EIF4G2: variants seen among roughly 807,000 people sequenced by gnomAD.
EIF4G2 encodes the protein eukaryotic translation initiation factor 4 gamma 2.
In EIF4G2, 8 loss-of-function variants were observed where a neutral mutation model predicts 117.7. The observed-to-expected ratio is 0.07, with a 90% CI of 0.04 to 0.12. The LOEUF is 0.12. EIF4G2 is among the 10% of genes least tolerant of loss of function. The pLI is 1.00. For missense variants in EIF4G2, 812 were observed against 1,086.2 expected, an observed-to-expected ratio of 0.75 and a Z score of 3.55; for synonymous variants, 413 against 367.8, an observed-to-expected ratio of 1.12 and a Z score of -1.41.
rs750064746 is a variant in EIF4G2, at chr11:10,803,995, A to C, written c.606T>G (p.Ile202Met). The C allele has an allele frequency of 6.2e-7, 1 of 1,614,172 alleles. No homozygotes were observed. Among genetic ancestry groups the C allele is most frequent in the South Asian group, 1.1e-5 (1 of 91,088 alleles). ...TGTTTCCCAACATCTTGATCTTAGC[A>C]ATGGCTCTCTGTTCCTCCTCCTCGG... Residue 202 changes from isoleucine to methionine, a missense_variant, in exon 8 of 22, where the codon ATT becomes ATG. Ile to Met is a conservative substitution (Grantham distance 10). This residue lies in a region of EIF4G2 where 154 missense variants were observed against 322.1 expected (regional missense o/e 0.48). Transcript: ENST00000339995. This position sits in a 1 kb window ranked among gnomAD's most constrained non-coding sequence, Gnocchi z 4.0.
intron 13 of EIF4G2, 103 bp downstream of exon 13, chr11:10,801,946 G>T: frequency 2.1e-6 from 1 of 481,666 alleles, no homozygotes; most frequent in Non-Finnish European, 2.5e-6. Context: ...ATAAAGTGAT[G>T]TGATTTTACT....
chr11:10,808,428 T>TCCGCCACGGCCTCGTC (rs1847659065), intron 1 of EIF4G2: 1 of 1,260,514 alleles, frequency 7.9e-7, no homozygotes, highest in Non-Finnish European at 1.0e-6. Context: ...CGTGCCTCGG[T>TCCGCCACGGCCTCGTC]CCGCCACGGC....
chr11:10,807,630 T>TGA, intron 1 of EIF4G2: 1 of 1,090,412 alleles, frequency 9.2e-7, no homozygotes, highest in African/African-American at 1.6e-5. Context: ...ACGAATCTTT[T>TGA]GAAAAAGCCA....
intron 1 of EIF4G2, chr11:10,808,482 G>T (rs1847661548): frequency 7.2e-6 from 9 of 1,251,058 alleles, no homozygotes; most frequent in Non-Finnish European, 9.2e-6. Flanking sequence ...ACCGCACGGC[G>T]GCCTGGCCAA....
chr11:10,802,884 A>C (rs1366029668), intron 11 of EIF4G2, 146 bp downstream of exon 11: 2 of 681,092 alleles, frequency 2.9e-6, no homozygotes, highest in Non-Finnish European at 4.7e-6. Flanking sequence ...AAAAAAATAA[A>C]AGTGGAAGAC....
rs529482611 is a variant in EIF4G2, at chr11:10,799,581, A to G, written c.2295T>C (p.Asp765=). 3.3e-5 allele frequency: 54 copies of G among 1,613,976 alleles called. No individual in the cohort carries two copies. The highest frequency in any genetic ancestry group is 4.4e-5 in the Non-Finnish European group (52 of 1,179,984). ...TCATTAAGATGTTCACAAATCCTTT[A>G]TCTACATGAAGTTTGGGAGAGATGT... is the stretch of plus-strand genomic sequence containing the variant. The change falls in exon 19 of 22, where the codon GAT becomes GAC. Residue 765 remains aspartate (D), a synonymous_variant. Transcript: ENST00000339995.
chr11:10,797,836 A>ATTC lies in EIF4G2; in HGVS notation c.2701_2703dup (p.Glu901dup), dbSNP rs781424757. The ATTC allele has an allele frequency of 6.2e-7, 1 of 1,613,982 alleles. No homozygotes were observed. The highest frequency in any genetic ancestry group is 8.5e-7 in the Non-Finnish European group (1 of 1,179,972). On this transcript the variant is annotated inframe_insertion, in exon 22 of 22. Coordinates refer to ENST00000339995, the MANE Select transcript of EIF4G2 (RefSeq NM_001418.4). This position sits in a 1 kb window ranked among gnomAD's most constrained non-coding sequence, Gnocchi z 4.5. ...GTTCTTTAGTCAGCTTCTTCCTCTG[A>ATTC]TTCTTCTTCTTCAGCAGTTTCTAAC... is the stretch of plus-strand genomic sequence containing the variant.
At position 10,802,096 on chromosome 11, in the gene EIF4G2, T is replaced by C; in HGVS notation, c.1252A>G (p.Thr418Ala). Residue 418 changes from threonine to alanine, a missense_variant, in exon 13 of 22, where the codon ACA becomes GCA. Coordinates refer to ENST00000339995, the MANE Select transcript of EIF4G2 (RefSeq NM_001418.4). ...CCCATCTCTCCAAACTGCGATTGTG[T>C]GGGAGGCATGATGTGTCCCCCATGG... is the stretch of plus-strand genomic sequence containing the variant. 6.2e-7 allele frequency: 1 copy of C among 1,614,302 alleles called. No homozygotes were observed. Among genetic ancestry groups the C allele is most frequent in the Non-Finnish European group, 8.5e-7 (1 of 1,180,054 alleles).
Position 10,807,741 on chromosome 11 carries a change from C to T in EIF4G2, c.-86-360G>A, listed in dbSNP as rs1847625687. On this transcript the variant is annotated intron_variant, in intron 1 of 21. Transcript: ENST00000339995. ...AAAATGTCTGCCCTAGGAATTTTTA[C>T]TGCCTTGACGAGGCCAGCGACTAGA... 5 of 992,670 alleles carry T rather than the reference C, an allele frequency of 5.0e-6. No individual in the cohort carries two copies. The Admixed American group carries it at 1.8e-4, about 36-fold the overall frequency. 61.5% of individuals were successfully genotyped at this position (992,670 alleles called of 1,614,324 possible). A position where few individuals can be genotyped will look rare whatever the true frequency, so the allele number is the denominator to read the frequency against.
In EIF4G2 at chr11:10,801,099, A is replaced by C; in HGVS notation, c.1414-12T>G. 1 of 1,613,754 alleles carries C rather than the reference A, an allele frequency of 6.2e-7. No individual in the cohort carries two copies. The highest frequency in any genetic ancestry group is 8.5e-7 in the Non-Finnish European group (1 of 1,179,872). ...GGCCTCAGGCTAATCTGGAATTGAA[A>C]ACAAAATATATCTAAATTAACAACA... On this transcript the variant is annotated splice_polypyrimidine_tract_variant and intron_variant, in intron 14 of 21. Transcript: ENST00000339995.
Position 10,804,664 on chromosome 11 carries a change from G to T in EIF4G2, c.352-246C>A, listed in dbSNP as rs566450641. On this transcript the variant is annotated intron_variant, in intron 5 of 21. Transcript: ENST00000339995. The stretch of plus-strand genomic sequence containing the variant: ...CCTAAATACGGTGTTTTCCACAAAA[G>T]AAAAAGAACAGCTTGCTAAGCACTC... The T allele has an allele frequency of 5.0e-6, 3 of 602,026 alleles. No homozygotes were observed. In the South Asian group the frequency reaches 7.7e-5, roughly 15 times the overall value. 37.3% of individuals were successfully genotyped at this position (602,026 alleles called of 1,614,324 possible).
intron 13 of EIF4G2, 34 bp downstream of exon 13, chr11:10,802,015 G>T (rs1463535333): frequency 1.1e-4 from 3 of 27,478 alleles, no homozygotes; most frequent in Non-Finnish European, 1.9e-4. Context: ...TGCAGATAAG[G>T]TTTAGAAAAC....
rs1043466720 is a variant in EIF4G2, at chr11:10,804,180, G to C, written c.507C>G (p.Ser169=). Residue 169 remains serine, a synonymous_variant, in exon 7 of 22, where the codon TCC becomes TCG. Transcript: ENST00000339995. ...GGTTTTCAAATTCATCTTGTAATTT[G>C]GAAATTAGGAGGCGTCTGAATGTCT... 1.9e-6 allele frequency: 3 copies of C among 1,614,158 alleles called. No homozygotes were observed. In the African/African-American group the frequency reaches 4.0e-5, roughly 22 times the overall value.
chr11:10,801,272 T>G (rs1564981949), intron 14 of EIF4G2, 185 bp from the exon 15 acceptor site: 25 of 690,250 alleles, frequency 3.6e-5, no homozygotes, highest in Non-Finnish European at 4.8e-6. Flanking sequence ...ATCTGATGCA[T>G]ACAGTAGTAA....
chr11:10,805,374 G>A (rs148251565), intron 4 of EIF4G2, among the ~76,000 whole-genome samples: 22 of 152,246 alleles, frequency 1.4e-4, no homozygotes, highest in Non-Finnish European at 2.6e-4. Context: ...ATGCTAGCAT[G>A]ACAGGATTAT....
chr11:10,804,121 C>T lies in EIF4G2; in HGVS notation c.550+16G>A, dbSNP rs1259841626. On this transcript the variant is annotated intron_variant, in intron 7 of 21. Coordinates refer to ENST00000339995, the MANE Select transcript of EIF4G2 (RefSeq NM_001418.4). ...GAAAATATACAGTAGTACTTATTATCAGCTATAAGTCTTACCATCAACATT... is the reference window on the plus strand; with the variant it reads ...GAAAATATACAGTAGTACTTATTATTAGCTATAAGTCTTACCATCAACATT... 1 of 1,613,668 alleles carries T rather than the reference C, an allele frequency of 6.2e-7. No individual in the cohort carries two copies. Among genetic ancestry groups the T allele is most frequent in the African/African-American group, 1.3e-5 (1 of 74,898 alleles).
At chr11:10,800,935 A>C (rs147380027) in intron 15 of EIF4G2, 27 bp downstream of exon 15, 1 of 1,612,968 alleles carries the variant, frequency 6.2e-7, no homozygotes, top group Non-Finnish European at 8.5e-7. Flanking sequence ...ATATCTTTAG[A>C]AAATGCTGTC....
intron 3 of EIF4G2, chr11:10,806,322 G>T: frequency 2.1e-6 from 1 of 471,246 alleles, no homozygotes; most frequent in Non-Finnish European, 3.8e-6. Context: ...CAGTATCAAC[G>T]CTGTGGAACC....
At chr11:10,808,425 C>T (rs1847658745) in intron 1 of EIF4G2, 1 of 1,261,708 alleles carries the variant, frequency 7.9e-7, no homozygotes, top group Non-Finnish European at 1.0e-6. Context: ...AGCCGTGCCT[C>T]GGTCCGCCAC....
Sources: allele counts gnomAD v4.1 joint callset (sites outside exome capture counted in the v4.1 genomes callset), GRCh38; gene constraint gnomAD v4.1.1; regional missense constraint gnomAD v4.1.1; non-coding constraint Gnocchi (gnomAD v3.1); transcripts MANE v1.5; gene names NCBI Gene and HGNC (gene_info 2026-07-23, HGNC 2026-07-21).